The following ITLN2 variants were observed in gnomAD, a reference collection of about 807,000 sequenced individuals.
ITLN2 encodes intelectin-2.
Under a neutral mutation model 39.4 loss-of-function variants are expected in ITLN2, and 29 were observed. The ratio of observed to expected loss-of-function variants is 0.74; its 90% CI spans 0.55 to 1.00. The LOEUF (loss-of-function observed/expected upper bound fraction) is 1.00, where lower values mean the gene tolerates loss of function less well. Among genes scored for constraint, ITLN2 ranks in the 50% least tolerant of loss-of-function variants. The pLI is 0.00. For synonymous variants in ITLN2, 156 were observed against 153.4 expected (o/e 1.02, Z -0.12); for missense variants, 412 against 416.7 (o/e 0.99, Z 0.10).
In ITLN2 at chr1:160,945,200, G is replaced by A. The variant is rs748237156; in HGVS notation, c.918C>T (p.His306=). ...SAFDWDGYGT[H]VKSSCSREIT... Reference sequence around the variant, plus strand: ...TCTCCCGACTGCAGCTGCTCTTAACGTGAGTTCCATATCCATCCCAGTCAA... The same window carrying A: ...TCTCCCGACTGCAGCTGCTCTTAACATGAGTTCCATATCCATCCCAGTCAA... Residue 306 remains histidine, a synonymous_variant, in exon 8 of 8, where the codon CAC becomes CAT. Transcript: ENST00000368029. 39 of 1,606,706 alleles carry A rather than the reference G, an allele frequency of 2.4e-5. No homozygotes were observed. The highest frequency in any genetic ancestry group is 4.5e-5 in the East Asian group (2 of 44,100).
chr1:160,951,395 T>TC (rs1395440909), intron 3 of ITLN2, 105 bp from the exon 4 acceptor site: 1 of 1,422,110 alleles, frequency 7.0e-7, no homozygotes, highest in African/African-American at 1.4e-5. Context: ...CTCAGAAGAC[T>TC]CCAACACATA....
At chr1:160,953,400 G>A (rs904660047) in intron 2 of ITLN2, among the ~76,000 whole-genome samples, 1 of 152,142 alleles carries the variant, frequency 6.6e-6, no homozygotes, top group African/African-American at 2.4e-5. Flanking sequence ...GCCTGGCAGA[G>A]CGGGAAAAAG....
chr1:160,954,599 C>T (rs1203242711), intron 1 of ITLN2, 128 bp downstream of exon 1: 15 of 1,258,514 alleles, frequency 1.2e-5, no homozygotes, highest in South Asian at 3.8e-5. Context: ...ATATGCCCCA[C>T]GGCTGTCCAA....
chr1:160,945,301 CAG>C lies in ITLN2; in HGVS notation c.826-11_826-10del. 6.5e-7 allele frequency: 1 copy of C among 1,539,314 alleles called. No individual in the cohort carries two copies. The highest frequency in any genetic ancestry group is 8.7e-7 in the Non-Finnish European group (1 of 1,153,414). On this transcript the variant is annotated splice_polypyrimidine_tract_variant and intron_variant, in intron 7 of 7. Coordinates refer to ENST00000368029, the MANE Select transcript of ITLN2 (RefSeq NM_080878.3). Reference sequence around the variant, plus strand: ...CCTCCACCGATGCAGTGCTGGGAAACAGAAAGAAGAAACACTGTGAGGAATTT... The same window carrying C: ...CCTCCACCGATGCAGTGCTGGGAAACAAAGAAGAAACACTGTGAGGAATTT...
At position 160,950,154 on chromosome 1, in the gene ITLN2, T is replaced by G; in HGVS notation, c.613A>C (p.Lys205Gln). Residue 205 changes from lysine to glutamine, a missense_variant, in exon 6 of 8, where the codon AAA becomes CAA. By Grantham distance (53) the Lys-to-Gln change is moderately conservative. Coordinates refer to ENST00000368029, the MANE Select transcript of ITLN2 (RefSeq NM_080878.3). ...TTCCAACATTTCCCTGATCTGTATT[T>G]CACTGGGTATTTCTGCAGAGACCCA... ...LFGIYQKYPVKYRSGKCWNDN... is the reference protein window; with the variant it reads ...LFGIYQKYPVQYRSGKCWNDN... The G allele has an allele frequency of 6.2e-7, 1 of 1,613,960 alleles. No individual in the cohort carries two copies. The highest frequency in any genetic ancestry group is 1.1e-5 in the South Asian group (1 of 91,072).
chr1:160,953,203 A>G lies in ITLN2; in HGVS notation c.80-470T>C, dbSNP rs76726609. On this transcript the variant is annotated intron_variant, in intron 2 of 7. Coordinates refer to ENST00000368029, the MANE Select transcript of ITLN2 (RefSeq NM_080878.3). ...CCAGGAAGAGAAGAAAGCACATGAG[A>G]TGGCCTGAAGCAATAACAGAGCCCA... is the stretch of plus-strand genomic sequence containing the variant. Among the ~76,000 whole-genome samples, 588 of 151,600 alleles carry G rather than the reference A, an allele frequency of 3.9e-3. 43 individuals are homozygous for G. In the East Asian group the frequency reaches 0.1, roughly 26 times the overall value.
intron 6 of ITLN2, 129 bp from the exon 7 acceptor site, chr1:160,948,161 G>A: frequency 2.9e-6 from 2 of 689,408 alleles, no homozygotes; most frequent in South Asian, 1.8e-5. Flanking sequence ...AGGCTGTAGG[G>A]GTGCAGCCCA....
intron 4 of ITLN2, 153 bp downstream of exon 4, chr1:160,950,890 G>T: frequency 6.7e-7 from 1 of 1,503,310 alleles, no homozygotes; most frequent in South Asian, 1.2e-5. Flanking sequence ...TAACAGCCTT[G>T]TTGAGAGGAA....
intron 7 of ITLN2, 35 bp downstream of exon 7, chr1:160,947,894 C>A: frequency 7.4e-7 from 1 of 1,360,420 alleles, no homozygotes; most frequent in Admixed American, 1.7e-5. Context: ...TTTCTTTTCC[C>A]CACACGTGGG....
chr1:160,950,500 C>A (rs1570973412), intron 5 of ITLN2, 53 bp downstream of exon 5: 2 of 1,589,122 alleles, frequency 1.3e-6, no homozygotes, highest in East Asian at 4.5e-5. Context: ...ACCCTAGACA[C>A]TTCGATCTCT....
rs767155810 is a variant in ITLN2 at position 160,946,579 on chromosome 1, G to C, written c.826-1287C>G. 5.3e-5 allele frequency among the ~76,000 whole-genome samples: 8 copies of C among 150,024 alleles called. No homozygotes were observed. The East Asian group carries it at 6.0e-4, about 11-fold the overall frequency. On this transcript the variant is annotated intron_variant, in intron 7 of 7. Coordinates refer to ENST00000368029, the MANE Select transcript of ITLN2 (RefSeq NM_080878.3). Reference sequence around the variant, plus strand: ...ACAAAAAAAATTAGTGGGGCGTGGTGGTGGGCCCCTGTAGTCCCAGCAACT... The same window carrying C: ...ACAAAAAAAATTAGTGGGGCGTGGTCGTGGGCCCCTGTAGTCCCAGCAACT...
In ITLN2 at chr1:160,950,243, A is replaced by C. The variant is rs1010729381; in HGVS notation, c.601-77T>G. Reference sequence around the variant, plus strand: ...AGTGTGGGGGGAGGAGGGGTTTCAAATTAACTGCCATTACCCAAAACCAAT... The same window carrying C: ...AGTGTGGGGGGAGGAGGGGTTTCAACTTAACTGCCATTACCCAAAACCAAT... On this transcript the variant is annotated intron_variant, in intron 5 of 7. Transcript: ENST00000368029. 18 of 1,464,972 alleles carry C rather than the reference A, an allele frequency of 1.2e-5. No individual in the cohort carries two copies. In the South Asian group the frequency reaches 1.9e-4, roughly 15 times the overall value. 90.7% of individuals were successfully genotyped at this position (1,464,972 alleles called of 1,614,324 possible).
At chr1:160,949,734 GTCTACT>G in intron 6 of ITLN2, 1 of 259,714 alleles carries the variant, frequency 3.9e-6, no homozygotes, top group Non-Finnish European at 7.6e-6. Flanking sequence ...AGTCTCTTAT[GTCTACT>G]TCTTTCTACA....
chr1:160,950,857 G>T, intron 4 of ITLN2, 146 bp from the exon 5 acceptor site: 1 of 1,456,504 alleles, frequency 6.9e-7, no homozygotes, highest in South Asian at 1.3e-5. Flanking sequence ...CCCAGCTGAT[G>T]ATCCCACCAC....
intron 6 of ITLN2, chr1:160,948,627 CT>C (rs397777960): frequency 0.11 from 14,098 of 132,446 alleles, 487 homozygotes; most frequent in South Asian, 0.21. Context: ...TCAGTGTGCA[CT>C]TTTTTTTTTT....
At chr1:160,949,951 G>A (rs1671700607) in intron 6 of ITLN2, 95 bp downstream of exon 6, 1 of 1,170,416 alleles carries the variant, frequency 8.5e-7, no homozygotes, top group Non-Finnish European at 1.2e-6. Context: ...TAAGTGCTCA[G>A]TAAATACTAG....
intron 6 of ITLN2, 111 bp downstream of exon 6, chr1:160,949,935 G>T: frequency 3.3e-6 from 3 of 922,224 alleles, no homozygotes; most frequent in African/African-American, 1.6e-5. Flanking sequence ...AGAGTCTGGT[G>T]CATTTTAAGT....
intron 7 of ITLN2, among the ~76,000 whole-genome samples, chr1:160,947,686 A>G (rs973495474): frequency 6.6e-6 from 1 of 152,242 alleles, no homozygotes; most frequent in Non-Finnish European, 1.5e-5. Flanking sequence ...ACATATTGTT[A>G]ACAAGGCACA....
At chr1:160,946,728 G>A (rs1252403477) in intron 7 of ITLN2, among the ~76,000 whole-genome samples, 1 of 149,160 alleles carries the variant, frequency 6.7e-6, no homozygotes, top group African/African-American at 2.5e-5. Context: ...AAAAAAAAAA[G>A]AAAGAAAAGG....
Sources: allele counts gnomAD v4.1 joint callset (sites outside exome capture counted in the v4.1 genomes callset), GRCh38; gene constraint gnomAD v4.1.1; transcripts MANE v1.5; gene names NCBI Gene and HGNC (gene_info 2026-07-23, HGNC 2026-07-21).